Variants in ERMAP observed in about 807,000 individuals in gnomAD.
ERMAP encodes erythroid membrane-associated protein.
Under a neutral mutation model 49.5 loss-of-function variants are expected in ERMAP, and 34 were observed. The observed-to-expected ratio is 0.69, with a 90% CI of 0.52 to 0.91. ERMAP has a LOEUF of 0.91. Among genes scored for constraint, ERMAP ranks in the 40% least tolerant of loss-of-function variants. The pLI is 0.00. For synonymous variants in ERMAP, 214 were observed against 232.2 expected (o/e 0.92, Z 0.71); for missense variants, 541 against 582.6 (o/e 0.93, Z 0.74).
At chr1:42,841,134 A>G (rs1264607804) in intron 11 of ERMAP, among the ~76,000 whole-genome samples, 2 of 152,162 alleles carry the variant, frequency 1.3e-5, no homozygotes, top group Non-Finnish European at 2.9e-5. Context: ...GCAGAGTACA[A>G]CAAATTATGA....
intron 2 of ERMAP, among the ~76,000 whole-genome samples, chr1:42,829,011 C>T (rs1167227319): frequency 6.6e-6 from 1 of 152,144 alleles, no homozygotes; most frequent in African/African-American, 2.4e-5. Flanking sequence ...GCCCTACTTC[C>T]ACCTTCAACC....
intron 2 of ERMAP, among the ~76,000 whole-genome samples, chr1:42,829,443 A>C (rs1416557115): frequency 6.6e-6 from 1 of 152,206 alleles, no homozygotes; most frequent in East Asian, 1.9e-4. Context: ...AGAGAATTTA[A>C]GAGATGAGTT....
At chr1:42,825,287 C>G (rs1276115174) in intron 1 of ERMAP, among the ~76,000 whole-genome samples, 1 of 152,126 alleles carries the variant, frequency 6.6e-6, no homozygotes, top group Non-Finnish European at 1.5e-5. Flanking sequence ...GTCTTTGAAA[C>G]CAATCTTCCA....
rs1290985864 is a variant in ERMAP at position 42,842,950 on chromosome 1, T to C, written c.1146T>C (p.Thr382=). 6.2e-7 allele frequency: 1 copy of C among 1,614,100 alleles called. No homozygotes were observed. Among genetic ancestry groups the C allele is most frequent in the African/African-American group, 1.3e-5 (1 of 74,930 alleles). The change falls in exon 12 of 12, where the codon ACT becomes ACC. Residue 382 remains threonine (T), a synonymous_variant. Coordinates refer to ENST00000372517, the MANE Select transcript of ERMAP (RefSeq NM_001017922.2). ...TGACCAACAAGTCCCACATCTTTAC[T>C]TTCACCCACAATTTCTCTGGCCCCC... is the stretch of plus-strand genomic sequence containing the variant. ...YNVTNKSHIF[T]FTHNFSGPLR...
At position 42,843,185 on chromosome 1, in the gene ERMAP, C is replaced by G. The variant is rs200590864; in HGVS notation, c.1381C>G (p.Pro461Ala). The stretch of plus-strand genomic sequence containing the variant: ...GAAGGATATAATCCTGTCCTTGCCC[C>G]CTGACCTTGGCCCAGCCCTTCAGGA... ...ELKDIILSLP[P>A]DLGPALQELK... The change falls in exon 12 of 12, where the codon CCT becomes GCT. Residue 461 changes from proline to alanine, a missense_variant. Pro to Ala is a conservative substitution (Grantham distance 27, BLOSUM62 -1). Transcript: ENST00000372517. 5 of 1,610,234 alleles carry G rather than the reference C, an allele frequency of 3.1e-6. No individual in the cohort carries two copies. The African/African-American group carries it at 5.3e-5, about 17-fold the overall frequency.
At chr1:42,817,525 C>G (rs1194208771) in intron 1 of ERMAP, 1 of 159,406 alleles carries the variant, frequency 6.3e-6, no homozygotes, top group African/African-American at 2.4e-5. Context: ...GTTATATTTT[C>G]TGCAACAGCT....
chr1:42,827,428 A>G (rs1336456225), intron 2 of ERMAP, among the ~76,000 whole-genome samples: 3 of 151,992 alleles, frequency 2.0e-5, no homozygotes, highest in African/African-American at 7.3e-5. Flanking sequence ...TCCCACCTCT[A>G]CCTCAAAGTG....
intron 2 of ERMAP, among the ~76,000 whole-genome samples, chr1:42,828,039 A>G (rs1399942109): frequency 1.3e-5 from 2 of 152,054 alleles, no homozygotes; most frequent in East Asian, 3.8e-4. Flanking sequence ...AAACATATTT[A>G]TGATTTAGTG....
chr1:42,822,479 C>T (rs117696324), intron 1 of ERMAP, among the ~76,000 whole-genome samples: 1,795 of 152,310 alleles, frequency 0.012, 61 homozygotes, highest in South Asian at 0.11. Context: ...CCACTGCACC[C>T]AGCCCTAATT....
chr1:42,823,558 G>A (rs1273684073), intron 1 of ERMAP, among the ~76,000 whole-genome samples: 2 of 152,282 alleles, frequency 1.3e-5, no homozygotes, highest in East Asian at 1.9e-4. Flanking sequence ...TCATTTTGGA[G>A]AAAATGCCTG....
intron 2 of ERMAP, among the ~76,000 whole-genome samples, chr1:42,826,856 A>AC (rs1654568559): frequency 6.7e-6 from 1 of 150,254 alleles, no homozygotes; most frequent in South Asian, 2.1e-4. Flanking sequence ...CTCTGTCTCA[A>AC]AAAAAAAAAA....
At chr1:42,835,823 C>T in intron 6 of ERMAP, 59 bp downstream of exon 6, 2 of 1,569,570 alleles carry the variant, frequency 1.3e-6, no homozygotes, top group Non-Finnish European at 1.7e-6. Flanking sequence ...ATTTCTGTGC[C>T]CCCCATACCC....
intron 2 of ERMAP, among the ~76,000 whole-genome samples, chr1:42,829,056 T>G (rs2124306096): frequency 6.6e-6 from 1 of 152,360 alleles, no homozygotes; most frequent in South Asian, 2.1e-4. Flanking sequence ...TCTCATTTAC[T>G]TAACTTCTCT....
At position 42,831,105 on chromosome 1, in the gene ERMAP, G is replaced by C. The variant is rs747837466; in HGVS notation, c.423G>C (p.Leu141=). The change falls in exon 4 of 12, where the codon CTG becomes CTC. Residue 141 remains leucine (L), a synonymous_variant. Coordinates refer to ENST00000372517, the MANE Select transcript of ERMAP (RefSeq NM_001017922.2). ...GNLSKEDTVI[L]QVAAPSVGSL... ...TGAGTAAAGAGGACACCGTGATCCT[G>C]CAGGTTGCAGGTTAGAATGGGTTTG... 6.2e-7 allele frequency: 1 copy of C among 1,613,946 alleles called. No individual in the cohort carries two copies. Among genetic ancestry groups the C allele is most frequent in the South Asian group, 1.1e-5 (1 of 91,028 alleles).
rs1655135687 is a variant in ERMAP, at chr1:42,843,729, C to G, written c.*497C>G. 1.3e-5 allele frequency: 3 copies of G among 222,298 alleles called. No individual in the cohort carries two copies. The South Asian group carries it at 5.5e-4, about 41-fold the overall frequency. 13.8% of individuals were successfully genotyped at this position (222,298 alleles called of 1,614,324 possible). A position where few individuals can be genotyped will look rare whatever the true frequency, so the allele number is the denominator to read the frequency against. On this transcript the variant is annotated 3_prime_UTR_variant, in exon 12 of 12. Coordinates refer to ENST00000372517, the MANE Select transcript of ERMAP (RefSeq NM_001017922.2). Reference sequence around the variant, plus strand: ...GCAAGCATGTTTTAGACCACTCACTCTTTCCCTCTTTCTTCAGGAATGAAT... The same window carrying G: ...GCAAGCATGTTTTAGACCACTCACTGTTTCCCTCTTTCTTCAGGAATGAAT...
intron 5 of ERMAP, 23 bp from the exon 6 acceptor site, chr1:42,835,709 T>A: frequency 6.2e-7 from 1 of 1,612,034 alleles, no homozygotes; most frequent in African/African-American, 1.3e-5. Flanking sequence ...TAAGCTGAGC[T>A]GGCATTTCTC....
In ERMAP at chr1:42,842,900, G is replaced by A. The variant is rs1247005597; in HGVS notation, c.1096G>A (p.Ala366Thr). Reference sequence around the variant, plus strand: ...TGTGGGGATTTTCCTGGACTATGAAGCAGGAGTCATCTCTTTCTACAATGT... The same window carrying A: ...TGTGGGGATTTTCCTGGACTATGAAACAGGAGTCATCTCTTTCTACAATGT... ...RCVGIFLDYE[A>T]GVISFYNVTN... Residue 366 changes from alanine (A) to threonine (T), a missense_variant, in exon 12 of 12, where the codon GCA becomes ACA. Coordinates refer to ENST00000372517, the MANE Select transcript of ERMAP (RefSeq NM_001017922.2). 6 of 1,614,072 alleles carry A rather than the reference G, an allele frequency of 3.7e-6. No individual in the cohort carries two copies. In the African/African-American group the frequency reaches 8.0e-5, roughly 22 times the overall value.
chr1:42,842,612 C>A lies in ERMAP; in HGVS notation c.808C>A (p.Pro270Thr). 1 of 1,614,150 alleles carries A rather than the reference C, an allele frequency of 6.2e-7. No homozygotes were observed. The highest frequency in any genetic ancestry group is 1.7e-5 in the Admixed American group (1 of 60,022). ...GCTTGGAGACAGACGGCAGCCTGTA[C>A]CTGACAACCCCCAGAGATTTGATTT... The part of the protein sequence containing the change: ...VRLGDRRQPV[P>T]DNPQRFDFVV... Residue 270 changes from proline to threonine, a missense_variant, in exon 12 of 12, where the codon CCT becomes ACT. Transcript: ENST00000372517.
At chr1:42,836,944 A>G in intron 6 of ERMAP, 2 of 420,874 alleles carry the variant, frequency 4.8e-6, no homozygotes, top group Admixed American at 4.2e-5. Flanking sequence ...CAGGCTGCAG[A>G]GTTTAGTAGA....
Sources: allele counts gnomAD v4.1 joint callset (sites outside exome capture counted in the v4.1 genomes callset), GRCh38; gene constraint gnomAD v4.1.1; transcripts MANE v1.5; gene names NCBI Gene and HGNC (gene_info 2026-07-23, HGNC 2026-07-21).